The following SCMH1 variants were observed in gnomAD, a reference collection of about 807,000 sequenced individuals.
The protein encoded by SCMH1 is polycomb protein SCMH1.
In SCMH1, 37 loss-of-function variants were observed where a neutral mutation model predicts 70.8. That is an observed-to-expected ratio of 0.52 (90% CI 0.40 to 0.69). The LOEUF (loss-of-function observed/expected upper bound fraction) is 0.69. Ranked by LOEUF, SCMH1 falls within the 30% of genes least tolerant of loss-of-function variation. The pLI, the probability that SCMH1 is intolerant of heterozygous loss-of-function variation, is 0.00. For synonymous variants in SCMH1, 292 were observed against 307.4 expected, an observed-to-expected ratio of 0.95 and a Z score of 0.52; for missense variants, 607 against 827.3, an observed-to-expected ratio of 0.73 and a Z score of 3.27.
intron 6 of SCMH1, among the ~76,000 whole-genome samples, chr1:41,138,623 C>CT (rs977182227): frequency 2.0e-5 from 3 of 151,724 alleles, no homozygotes; most frequent in Non-Finnish European, 2.9e-5. Context: ...ATAATTTTGT[C>CT]TTTTTTTTCT....
intron 4 of SCMH1, 135 bp downstream of exon 4, chr1:41,160,740 A>G: frequency 1.2e-6 from 1 of 827,600 alleles, no homozygotes; most frequent in Non-Finnish European, 2.0e-6. Context: ...TTAGGCAGAC[A>G]AGAGCACAGG....
chr1:41,122,609 A>G (rs1212663387), intron 6 of SCMH1, among the ~76,000 whole-genome samples: 1 of 152,224 alleles, frequency 6.6e-6, no homozygotes, highest in Non-Finnish European at 1.5e-5. Context: ...TTAATCCACA[A>G]AAACAACATG....
At chr1:41,031,987 A>G (rs1644590272) in intron 13 of SCMH1, among the ~76,000 whole-genome samples, 1 of 151,014 alleles carries the variant, frequency 6.6e-6, no homozygotes, top group Non-Finnish European at 1.5e-5. Context: ...CATGAATGAG[A>G]TTAGTACTCT....
intron 1 of SCMH1, among the ~76,000 whole-genome samples, chr1:41,205,365 A>G (rs1441846674): frequency 6.6e-6 from 1 of 152,190 alleles, no homozygotes; most frequent in East Asian, 1.9e-4. Flanking sequence ...CCATGGTCTT[A>G]GCAACTGGCA....
At chr1:41,127,492 T>C (rs1022292350) in intron 6 of SCMH1, among the ~76,000 whole-genome samples, 3 of 152,174 alleles carry the variant, frequency 2.0e-5, no homozygotes, top group African/African-American at 4.8e-5. Flanking sequence ...CCACGTGCAG[T>C]TTATTCTGAC....
chr1:41,154,591 G>A (rs1022618109), intron 4 of SCMH1, among the ~76,000 whole-genome samples: 2 of 152,174 alleles, frequency 1.3e-5, no homozygotes, highest in Non-Finnish European at 2.9e-5. Flanking sequence ...GAGATAAACA[G>A]AGACATTAAT....
rs767401038 is a variant in SCMH1 at position 41,186,161 on chromosome 1, G to C, written c.-28C>G. The C allele has an allele frequency of 2.2e-6, 3 of 1,355,236 alleles. No homozygotes were observed. The Admixed American group carries it at 5.9e-5, about 27-fold the overall frequency. The allele number at this position is 1,355,236 out of a possible 1,614,324, so 84.0% of individuals were successfully genotyped here. Reference sequence around the variant, plus strand: ...TCAATGGACTAAAAACCGGTCTAGGGGTTAAGAAGTTTGGGATTTATCCCT... The same window carrying C: ...TCAATGGACTAAAAACCGGTCTAGGCGTTAAGAAGTTTGGGATTTATCCCT... On this transcript the variant is annotated 5_prime_UTR_variant, in exon 2 of 15. Coordinates refer to ENST00000337495, the Ensembl canonical transcript of SCMH1.
At chr1:41,240,462 T>C (rs1295201981) in intron 1 of SCMH1, among the ~76,000 whole-genome samples, 1 of 151,952 alleles carries the variant, frequency 6.6e-6, no homozygotes, top group South Asian at 2.1e-4. Flanking sequence ...CAGTTAGAAC[T>C]AGAGCAAAGA....
At chr1:41,185,963 C>T (rs1650092039) in intron 2 of SCMH1, 158 bp downstream of exon 2, 2 of 634,892 alleles carry the variant, frequency 3.2e-6, no homozygotes, top group Non-Finnish European at 2.4e-6. Flanking sequence ...ACCTCCTCTC[C>T]CAATCTGGAA....
intron 2 of SCMH1, among the ~76,000 whole-genome samples, chr1:41,183,577 G>A (rs1190564099): frequency 1.4e-5 from 2 of 140,388 alleles, no homozygotes; most frequent in Non-Finnish European, 3.3e-5. Flanking sequence ...CTACATTTAT[G>A]CCTGTCAGTG....
intron 6 of SCMH1, among the ~76,000 whole-genome samples, chr1:41,124,558 C>T (rs185094767): frequency 3.3e-5 from 5 of 151,956 alleles, no homozygotes; most frequent in Admixed American, 6.6e-5. Context: ...TTCTTCTGAT[C>T]GTTTCCTCAT....
At position 41,113,420 on chromosome 1, in the gene SCMH1, C is replaced by T. The variant is rs1385160784; in HGVS notation, c.608G>A (p.Arg203Gln). Reference sequence around the variant, plus strand: ...AAAAGTGACAAGCACCTCTGAGCCCCGAACCTCCCCAATAGTGGCTGGGCA... The same window carrying T: ...AAAAGTGACAAGCACCTCTGAGCCCTGAACCTCCCCAATAGTGGCTGGGCA... The change falls in exon 8 of 15, where the codon CGG becomes CAG. Residue 203 changes from arginine (R) to glutamine (Q), a missense_variant. By Grantham distance (43) the Arg-to-Gln change is conservative. Around this residue, in one of 3 missense-constraint regions of SCMH1, gnomAD observed 105 missense variants for 214.5 expected, o/e 0.49. Coordinates refer to ENST00000337495, the Ensembl canonical transcript of SCMH1. This position sits in a 1 kb window ranked among gnomAD's most constrained non-coding sequence, Gnocchi z 4.3. 9.3e-6 allele frequency: 15 copies of T among 1,613,880 alleles called. No individual in the cohort carries two copies. Among genetic ancestry groups the T allele is most frequent in the African/African-American group, 4.0e-5 (3 of 74,878 alleles).
Position 41,167,033 on chromosome 1 carries a change from T to C in SCMH1, c.14-5601A>G, listed in dbSNP as rs534402209. ...GAACATTCCTTCCATATCTAATATA[T>C]TGAGAGTTTTCATCATGAAAGGATG... On this transcript the variant is annotated intron_variant, in intron 2 of 14. Coordinates refer to ENST00000337495, the Ensembl canonical transcript of SCMH1. 5.3e-5 allele frequency among the ~76,000 whole-genome samples: 8 copies of C among 152,214 alleles called. No homozygotes were observed. In the East Asian group the frequency reaches 7.7e-4, roughly 15 times the overall value.
At chr1:41,104,855 G>A (rs1305750324) in intron 8 of SCMH1, among the ~76,000 whole-genome samples, 2 of 152,160 alleles carry the variant, frequency 1.3e-5, no homozygotes, top group Non-Finnish European at 2.9e-5. Flanking sequence ...TAGTAACTGA[G>A]AGGTGAGTGA....
At chr1:41,037,534 G>A (rs1476542530) in exon 13 of SCMH1, 27 of 1,613,670 alleles carry the variant, frequency 1.7e-5, no homozygotes, top group Non-Finnish European at 2.2e-5. Context: ...CCAGGACAAA[G>A]GTTTCACCTG....
At chr1:41,210,183 A>C (rs879202681) in intron 1 of SCMH1, among the ~76,000 whole-genome samples, 1 of 152,234 alleles carries the variant, frequency 6.6e-6, no homozygotes, top group Admixed American at 6.5e-5. Context: ...GGAGAACTAC[A>C]AACCACTGCT....
intron 1 of SCMH1, among the ~76,000 whole-genome samples, chr1:41,186,615 C>T (rs976383302): frequency 6.6e-6 from 1 of 152,110 alleles, no homozygotes; most frequent in Non-Finnish European, 1.5e-5. Flanking sequence ...TACGTTAAAG[C>T]CCTAACCCCC....
intron 4 of SCMH1, 117 bp downstream of exon 4, chr1:41,160,758 G>T: frequency 2.1e-6 from 2 of 946,214 alleles, no homozygotes; most frequent in Non-Finnish European, 3.3e-6. Context: ...AGGATTCACT[G>T]GTTTCTGAGA....
chr1:41,217,860 A>G (rs1264360470), intron 1 of SCMH1, among the ~76,000 whole-genome samples: 1 of 152,182 alleles, frequency 6.6e-6, no homozygotes, highest in African/African-American at 2.4e-5. Flanking sequence ...AATCTAATGC[A>G]GTTTTCCCTG....
Sources: allele counts gnomAD v4.1 joint callset (sites outside exome capture counted in the v4.1 genomes callset), GRCh38; gene constraint gnomAD v4.1.1; regional missense constraint gnomAD v4.1.1; non-coding constraint Gnocchi (gnomAD v3.1); transcripts MANE v1.5; gene names NCBI Gene and HGNC (gene_info 2026-07-23, HGNC 2026-07-21).